Variants in NAGLU observed in about 807,000 individuals in gnomAD.
The protein encoded by NAGLU is alpha-N-acetylglucosaminidase.
Under a neutral mutation model 43.4 loss-of-function variants are expected in NAGLU, and 34 were observed. The observed-to-expected ratio is 0.78, with a 90% CI of 0.60 to 1.04. The LOEUF is 1.04. Ranked by LOEUF, NAGLU falls within the 50% of genes least tolerant of loss-of-function variation. NAGLU has a pLI of 0.00. For missense variants in NAGLU, 910 were observed against 993.7 expected (o/e 0.92, Z 1.13); for synonymous variants, 425 against 437.6 (o/e 0.97, Z 0.36).
intron 4 of NAGLU, among the ~76,000 whole-genome samples, chr17:42,539,584 G>C (rs1344792410): frequency 6.6e-6 from 1 of 152,266 alleles, no homozygotes; most frequent in Non-Finnish European, 1.5e-5. Context: ...CCAGGTGGCA[G>C]GAAACTCACT....
At chr17:42,542,524 T>C (rs2092923943) in intron 5 of NAGLU, among the ~76,000 whole-genome samples, 1 of 151,058 alleles carries the variant, frequency 6.6e-6, no homozygotes, top group Non-Finnish European at 1.5e-5. Flanking sequence ...GACAGAATCT[T>C]ACTCTGTCGC....
In NAGLU at chr17:42,536,415, TCTC is replaced by T. The variant is rs2092906185; in HGVS notation, c.145_147del (p.Ser49del). 1 of 1,245,584 alleles carries T rather than the reference TCTC, an allele frequency of 8.0e-7. No homozygotes were observed. The highest frequency in any genetic ancestry group is 1.6e-5 in the African/African-American group (1 of 63,086). 77.2% of individuals were successfully genotyped at this position (1,245,584 alleles called of 1,614,324 possible). On this transcript the variant is annotated inframe_deletion, in exon 1 of 6. Coordinates refer to ENST00000225927, the MANE Select transcript of NAGLU (RefSeq NM_000263.4). ...CTGGGGCCAGGCCCCGCGGCCGACTTCTCCGTGTCGGTGGAGCGCGCTCTGGCT... is the reference window on the plus strand; with the variant it reads ...CTGGGGCCAGGCCCCGCGGCCGACTTCGTGTCGGTGGAGCGCGCTCTGGCT...
At chr17:42,536,727 G>A in intron 1 of NAGLU, 72 bp downstream of exon 1, 2 of 1,360,634 alleles carry the variant, frequency 1.5e-6, no homozygotes, top group Non-Finnish European at 1.9e-6. Flanking sequence ...CACCCAAATC[G>A]GGAGGCTGAG....
chr17:42,542,580 G>T (rs1480161401), intron 5 of NAGLU, among the ~76,000 whole-genome samples: 1 of 152,210 alleles, frequency 6.6e-6, no homozygotes, highest in Non-Finnish European at 1.5e-5. Context: ...TGCAACTTCT[G>T]CCTCATGGGT....
At chr17:42,540,454 T>C (rs1177188945) in intron 4 of NAGLU, among the ~76,000 whole-genome samples, 2 of 149,796 alleles carry the variant, frequency 1.3e-5, no homozygotes, top group Non-Finnish European at 3.0e-5. Flanking sequence ...CCCAGCACTT[T>C]GGGAGGCCGA....
rs86312 is a variant in NAGLU, at chr17:42,544,215, C to T, written c.2209C>T (p.Arg737Cys). The T allele has an allele frequency of 3.1e-6, 5 of 1,610,898 alleles. No homozygotes were observed. The highest frequency in any genetic ancestry group is 3.3e-5 in the Admixed American group (2 of 60,008). The part of the protein sequence containing the change: ...AKKIFLKYYP[R>C]WVAGSW ...GAAGATCTTCCTCAAATATTACCCC[C>T]GCTGGGTGGCCGGCTCTTGGTGATA... The change falls in exon 6 of 6, where the codon CGC (arginine) becomes TGC (cysteine). Residue 737 changes from arginine to cysteine, a missense_variant. By Grantham distance (180) the Arg-to-Cys change is radical. Coordinates refer to ENST00000225927, the MANE Select transcript of NAGLU (RefSeq NM_000263.4).
chr17:42,539,636 G>A (rs1026240624), intron 4 of NAGLU, among the ~76,000 whole-genome samples: 2 of 152,268 alleles, frequency 1.3e-5, no homozygotes, highest in African/African-American at 4.8e-5. Context: ...GAGGCTGCCA[G>A]AACTGGCTGT....
In NAGLU at chr17:42,543,817, C is replaced by T. The variant is rs751203469; in HGVS notation, c.1811C>T (p.Pro604Leu). The change falls in exon 6 of 6, where the codon CCG (proline) becomes CTG (leucine). Residue 604 changes from proline (P) to leucine (L), a missense_variant. Coordinates refer to ENST00000225927, the MANE Select transcript of NAGLU (RefSeq NM_000263.4). ...GGCGTCCTGGCCTATGAGCTGCTGC[C>T]GGCACTGGACGAGGTGCTGGCTAGT... ...AGGVLAYELL[P>L]ALDEVLASDS... 28 of 1,603,424 alleles carry T rather than the reference C, an allele frequency of 1.7e-5. No individual in the cohort carries two copies. The highest frequency in any genetic ancestry group is 3.3e-5 in the South Asian group (3 of 89,718).
Position 42,543,272 on chromosome 17 carries a change from T to G in NAGLU, c.1266T>G (p.Ala422=). The G allele has an allele frequency of 6.2e-7, 1 of 1,614,070 alleles. No individual in the cohort carries two copies. The highest frequency in any genetic ancestry group is 8.5e-7 in the Non-Finnish European group (1 of 1,180,042). Residue 422 remains alanine (A), a synonymous_variant, in exon 6 of 6, where the codon GCT becomes GCG. Transcript: ENST00000225927. ...GNHGLFGALE[A]VNGGPEAARL... ...ATGGTCTTTTTGGAGCCCTAGAGGC[T>G]GTGAACGGAGGCCCAGAAGCTGCCC...
intron 5 of NAGLU, 113 bp from the exon 6 acceptor site, chr17:42,542,915 T>C: frequency 1.4e-6 from 2 of 1,451,892 alleles, no homozygotes; most frequent in Non-Finnish European, 1.9e-6. Context: ...CTGGTGGGGG[T>C]CATGGGAAGC....
intron 1 of NAGLU, 163 bp from the exon 2 acceptor site, chr17:42,537,235 C>G (rs1281882597): frequency 1.9e-6 from 2 of 1,044,672 alleles, no homozygotes; most frequent in Non-Finnish European, 2.8e-6. Context: ...AAGCCCAGCC[C>G]CGGTACCTGG....
intron 4 of NAGLU, among the ~76,000 whole-genome samples, chr17:42,539,635 A>C (rs1288801614): frequency 3.3e-5 from 5 of 152,254 alleles, no homozygotes; most frequent in Admixed American, 3.3e-4. Flanking sequence ...TGAGGCTGCC[A>C]GAACTGGCTG....
chr17:42,540,287 C>T (rs756757605), intron 4 of NAGLU, among the ~76,000 whole-genome samples: 21 of 150,800 alleles, frequency 1.4e-4, no homozygotes, highest in Non-Finnish European at 1.3e-4. Context: ...TTAATGCATG[C>T]GGGGCTGAAA....
At chr17:42,538,839 G>GGGCC (rs2092914462) in intron 4 of NAGLU, 84 bp downstream of exon 4, 1 of 1,520,228 alleles carries the variant, frequency 6.6e-7, no homozygotes, top group African/African-American at 1.4e-5. Context: ...CTTAAGCTCT[G>GGGCC]GGCCGGGCGC....
chr17:42,537,322 G>C lies in NAGLU; in HGVS notation c.384-76G>C. 7 of 1,601,806 alleles carry C rather than the reference G, an allele frequency of 4.4e-6. No homozygotes were observed. In the African/African-American group the frequency reaches 6.7e-5, roughly 15 times the overall value. ...GGAGCCCCTCCCCTCTCCTCTAGGT[G>C]GGGGATGGGGGATTTGTTCCAGGGC... On this transcript the variant is annotated intron_variant, in intron 1 of 5. Coordinates refer to ENST00000225927, the MANE Select transcript of NAGLU (RefSeq NM_000263.4).
In NAGLU at chr17:42,543,883, G is replaced by A. The variant is rs376545731; in HGVS notation, c.1877G>A (p.Arg626Gln). Residue 626 changes from arginine (R) to glutamine (Q), a missense_variant, in exon 6 of 6, where the codon CGA (arginine) becomes CAA (glutamine). Arg to Gln is a conservative substitution (Grantham distance 43). Coordinates refer to ENST00000225927, the MANE Select transcript of NAGLU (RefSeq NM_000263.4). The stretch of plus-strand genomic sequence containing the variant: ...CTGGGCAGCTGGCTAGAGCAGGCCC[G>A]AGCAGCGGCAGTCAGTGAGGCCGAG... ...FLLGSWLEQARAAAVSEAEAD... is the reference protein window; with the variant it reads ...FLLGSWLEQAQAAAVSEAEAD... 60 of 1,604,580 alleles carry A rather than the reference G, an allele frequency of 3.7e-5. No individual in the cohort carries two copies. The highest frequency in any genetic ancestry group is 1.6e-4 in the Middle Eastern group (1 of 6,072).
intron 4 of NAGLU, among the ~76,000 whole-genome samples, chr17:42,539,394 C>T (rs552699518): frequency 1.3e-5 from 2 of 152,252 alleles, no homozygotes; most frequent in Non-Finnish European, 2.9e-5. Flanking sequence ...TGCTTCCCAG[C>T]CATCCTCTCA....
Position 42,541,159 on chromosome 17 carries a change from C to G in NAGLU, c.974C>G (p.Ser325Cys). 1 of 1,613,752 alleles carries G rather than the reference C, an allele frequency of 6.2e-7. No homozygotes were observed. The highest frequency in any genetic ancestry group is 1.3e-5 in the African/African-American group (1 of 75,050). Reference sequence around the variant, plus strand: ...ATGCAGCCACCTTCCTCAGAGCCCTCCTACCTTGCCGCAGCCACCACTGCC... The same window carrying G: ...ATGCAGCCACCTTCCTCAGAGCCCTGCTACCTTGCCGCAGCCACCACTGCC... ...NEMQPPSSEP[S>C]YLAAATTAVY... The change falls in exon 5 of 6, where the codon TCC becomes TGC. Residue 325 changes from serine to cysteine, a missense_variant. Ser to Cys is a moderately radical substitution (Grantham distance 112). Coordinates refer to ENST00000225927, the MANE Select transcript of NAGLU (RefSeq NM_000263.4).
chr17:42,536,695 TA>T, intron 1 of NAGLU, 40 bp downstream of exon 1: 2 of 1,405,916 alleles, frequency 1.4e-6, no homozygotes, highest in South Asian at 1.4e-5. Context: ...CCGAGGCGCT[TA>T]CCCCCTCCCG....
Sources: allele counts gnomAD v4.1 joint callset (sites outside exome capture counted in the v4.1 genomes callset), GRCh38; gene constraint gnomAD v4.1.1; transcripts MANE v1.5; gene names NCBI Gene and HGNC (gene_info 2026-07-23, HGNC 2026-07-21).